Variants in PDE1C observed in about 807,000 individuals in gnomAD.
The protein encoded by PDE1C is dual specificity calcium/calmodulin-dependent 3',5'-cyclic nucleotide phosphodiesterase 1C.
In PDE1C, 62 loss-of-function variants were observed where a neutral mutation model predicts 93.1. The ratio of observed to expected loss-of-function variants is 0.67; its 90% CI spans 0.54 to 0.82. The LOEUF is 0.82. Ranked by LOEUF, PDE1C falls within the 40% of genes least tolerant of loss-of-function variation. PDE1C has a pLI of 0.00. For synonymous variants in PDE1C, 325 were observed against 310.1 expected, an observed-to-expected ratio of 1.05 and a Z score of -0.50; for missense variants, 742 against 884.6, an observed-to-expected ratio of 0.84 and a Z score of 2.04.
At chr7:31,960,168 C>T (rs766990406) in intron 2 of PDE1C, among the ~76,000 whole-genome samples, 12 of 152,150 alleles carry the variant, frequency 7.9e-5, no homozygotes, top group Non-Finnish European at 1.6e-4. Flanking sequence ...AGCCACCGCG[C>T]CCGGCCTCAA....
rs576026022 is a variant in PDE1C, at chr7:31,940,053, C to T, written c.129-59193G>A. Among the ~76,000 whole-genome samples, 25 of 152,258 alleles carry T rather than the reference C, an allele frequency of 1.6e-4. No individual in the cohort carries two copies. The South Asian group carries it at 3.7e-3, about 23-fold the overall frequency. On this transcript the variant is annotated intron_variant, in intron 2 of 17. Coordinates refer to ENST00000396191, the MANE Select transcript of PDE1C (RefSeq NM_001191057.4). The stretch of plus-strand genomic sequence containing the variant: ...AGCTCTGGCTGCACATTAGAATCAC[C>T]GGGGGAAGTTTTTAGAAATCGCAAA...
chr7:32,360,716 C>T (rs1053258303), intron 1 of PDE1C, among the ~76,000 whole-genome samples: 1 of 152,166 alleles, frequency 6.6e-6, no homozygotes, highest in African/African-American at 2.4e-5. Flanking sequence ...ATGCACTGAG[C>T]CCAGCAGATT....
At chr7:32,135,284 TG>T (rs1800140687) in intron 3 of PDE1C, among the ~76,000 whole-genome samples, 1 of 152,164 alleles carries the variant, frequency 6.6e-6, no homozygotes, top group Non-Finnish European at 1.5e-5. Context: ...AAGGCAGTGA[TG>T]GTGAGAAGTG....
intron 2 of PDE1C, among the ~76,000 whole-genome samples, chr7:31,881,855 C>T (rs945928443): frequency 3.3e-5 from 5 of 152,148 alleles, no homozygotes; most frequent in African/African-American, 7.2e-5. Context: ...AAAAGGCAAT[C>T]GTTATAGCTA....
At chr7:31,942,638 T>C (rs933343479) in intron 2 of PDE1C, among the ~76,000 whole-genome samples, 2 of 152,188 alleles carry the variant, frequency 1.3e-5, no homozygotes, top group African/African-American at 2.4e-5. Context: ...ACCATTCTTC[T>C]TGGAAGTTAT....
intron 2 of PDE1C, among the ~76,000 whole-genome samples, chr7:32,033,948 C>A (rs75750340): frequency 6.6e-6 from 1 of 152,098 alleles, no homozygotes; most frequent in Non-Finnish European, 1.5e-5. Flanking sequence ...GGACTGCTCT[C>A]TATCAGTAGA....
rs553197903 is a variant in PDE1C, at chr7:31,901,567, A to G, written c.129-20707T>C. Among the ~76,000 whole-genome samples, 35 of 151,346 alleles carry G rather than the reference A, an allele frequency of 2.3e-4. No homozygotes were observed. In the South Asian group the frequency reaches 7.3e-3, roughly 32 times the overall value. ...AAAGATATAAATTTCTCCTCAAATT[A>G]AATTCTAAACTATGGATTTGTTGCA... On this transcript the variant is annotated intron_variant, in intron 2 of 17. Transcript: ENST00000396191.
intron 2 of PDE1C, among the ~76,000 whole-genome samples, chr7:32,173,343 A>AC (rs1452167603): frequency 1.3e-5 from 2 of 151,870 alleles, no homozygotes; most frequent in East Asian, 3.9e-4. Flanking sequence ...GGAGAACAAC[A>AC]CACACCAGAG....
chr7:31,811,973 T>C (rs753043476), intron 15 of PDE1C, among the ~76,000 whole-genome samples: 1 of 152,146 alleles, frequency 6.6e-6, no homozygotes, highest in East Asian at 1.9e-4. Context: ...TGTTTGATGA[T>C]GTTGCCTGAG....
the PDE1C span, among the ~76,000 whole-genome samples, chr7:31,736,333 G>A: frequency 1.3e-5 from 2 of 152,154 alleles, no homozygotes; most frequent in African/African-American, 2.4e-5. Flanking sequence ...AGGGCAGCCC[G>A]AATAATCCTG....
At chr7:31,912,407 C>T (rs927709438) in intron 2 of PDE1C, among the ~76,000 whole-genome samples, 1 of 151,934 alleles carries the variant, frequency 6.6e-6, no homozygotes, top group African/African-American at 2.4e-5. Context: ...GATAAAAGGC[C>T]GGGTGTGGTG....
chr7:31,646,878 C>CA, the PDE1C span, among the ~76,000 whole-genome samples: 16 of 151,874 alleles, frequency 1.1e-4, no homozygotes, highest in Non-Finnish European at 2.1e-4. Flanking sequence ...TGCAATTATA[C>CA]AAAAAAAGGT....
chr7:32,251,968 T>C lies in PDE1C; in HGVS notation c.86-42429A>G, dbSNP rs568178823. Reference sequence around the variant, plus strand: ...TCAATCAGATCTCCCCCTGTGGTTGTAAAGATGACTCAACTGATAGACAAC... The same window carrying C: ...TCAATCAGATCTCCCCCTGTGGTTGCAAAGATGACTCAACTGATAGACAAC... On this transcript the variant is annotated intron_variant, in intron 1 of 18. Transcript: ENST00000396193. 2.0e-5 allele frequency among the ~76,000 whole-genome samples: 3 copies of C among 152,294 alleles called. No individual in the cohort carries two copies. The South Asian group carries it at 6.2e-4, about 32-fold the overall frequency.
chr7:32,260,037 C>G (rs190341511), intron 1 of PDE1C, among the ~76,000 whole-genome samples: 21 of 152,278 alleles, frequency 1.4e-4, no homozygotes, highest in African/African-American at 4.3e-4. Flanking sequence ...ACTCTGAGGA[C>G]CGGGCCCAAC....
At chr7:31,983,950 G>T (rs1421855138) in intron 2 of PDE1C, among the ~76,000 whole-genome samples, 1 of 152,146 alleles carries the variant, frequency 6.6e-6, no homozygotes, top group Admixed American at 6.5e-5. Flanking sequence ...GGGTGGAGTA[G>T]GTCAAAGATG....
chr7:32,062,353 G>T (rs1377292846), intron 1 of PDE1C, among the ~76,000 whole-genome samples: 59 of 152,138 alleles, frequency 3.9e-4, no homozygotes, highest in Non-Finnish European at 3.2e-4. Context: ...GATGAAGTCG[G>T]ACCTGGCTCC....
intron 17 of PDE1C, among the ~76,000 whole-genome samples, chr7:31,755,186 G>A (rs1025130731): frequency 6.6e-6 from 1 of 152,212 alleles, no homozygotes; most frequent in Non-Finnish European, 1.5e-5. Flanking sequence ...AGGGTGGATG[G>A]TGAGAAATGT....
At chr7:31,790,539 A>C (rs1210284779) in intron 16 of PDE1C, among the ~76,000 whole-genome samples, 1 of 152,156 alleles carries the variant, frequency 6.6e-6, no homozygotes, top group African/African-American at 2.4e-5. Flanking sequence ...TAGGGATATT[A>C]AGCCACCTTC....
chr7:31,667,853 G>C, the PDE1C span, among the ~76,000 whole-genome samples: 2 of 151,774 alleles, frequency 1.3e-5, no homozygotes, highest in Non-Finnish European at 2.9e-5. Context: ...AAAAATTCAA[G>C]CCACAGGAGG....
Sources: allele counts gnomAD v4.1 joint callset (sites outside exome capture counted in the v4.1 genomes callset), GRCh38; gene constraint gnomAD v4.1.1; transcripts MANE v1.5; gene names NCBI Gene and HGNC (gene_info 2026-07-23, HGNC 2026-07-21).